Variants in FAM161B observed in about 807,000 individuals in gnomAD.
The protein encoded by FAM161B is protein FAM161B.
Under a neutral mutation model 61.5 loss-of-function variants are expected in FAM161B, and 46 were observed. The ratio of observed to expected loss-of-function variants is 0.75; its 90% CI spans 0.59 to 0.96. The LOEUF (loss-of-function observed/expected upper bound fraction) is 0.96. Among genes scored for constraint, FAM161B ranks in the 40% least tolerant of loss-of-function variants. The pLI, the probability that FAM161B is intolerant of heterozygous loss-of-function variation, is 0.00. For synonymous variants in FAM161B, 284 were observed against 302.7 expected (o/e 0.94, Z 0.64); for missense variants, 774 against 800.7 (o/e 0.97, Z 0.40).
In FAM161B at chr14:73,942,594, T is replaced by C; in HGVS notation, c.1047A>G (p.Arg349=). Residue 349 remains arginine (R), a synonymous_variant, in exon 4 of 9, where the codon CGA becomes CGG. Coordinates refer to ENST00000286544, the MANE Select transcript of FAM161B (RefSeq NM_152445.3). ...GAAACCCAAGCTTTTCCTGCTGGGT[T>C]CGGGTGGCTGTGCGGGGCTGTGGGT... ...RANPQPRTAT[R]TQQEKLGFLH... 1.2e-6 allele frequency: 2 copies of C among 1,614,174 alleles called. No homozygotes were observed. The highest frequency in any genetic ancestry group is 1.7e-6 in the Non-Finnish European group (2 of 1,180,022).
chr14:73,934,313 C>G lies in FAM161B; in HGVS notation c.1887G>C (p.Arg629Ser), dbSNP rs1022110704. The G allele has an allele frequency of 6.2e-7, 1 of 1,614,158 alleles. No homozygotes were observed. The highest frequency in any genetic ancestry group is 1.7e-5 in the Admixed American group (1 of 60,016). Residue 629 changes from arginine to serine, a missense_variant, in exon 9 of 9, where the codon AGG becomes AGC. Arg to Ser is a moderately radical substitution (Grantham distance 110). Coordinates refer to ENST00000286544, the MANE Select transcript of FAM161B (RefSeq NM_152445.3). ...GATGAGACAGCTCCTCCAGTACTTT[C>G]CTGGGGCTTGCAGGCTGTTCTAGAG... is the stretch of plus-strand genomic sequence containing the variant. ...EGSLEQPASP[R>S]KVLEELSHQS...
At chr14:73,949,909 G>A in intron 1 of FAM161B, 64 bp downstream of exon 1, 1 of 1,597,670 alleles carries the variant, frequency 6.3e-7, no homozygotes, top group East Asian at 2.2e-5. Context: ...TGTCTCCAAG[G>A]CAACGCCCAA....
At chr14:73,939,420 A>T (rs551906671) in intron 5 of FAM161B, among the ~76,000 whole-genome samples, 1 of 152,364 alleles carries the variant, frequency 6.6e-6, no homozygotes, top group East Asian at 1.9e-4. Context: ...ACCAAGTACC[A>T]TTACATTTCA....
At chr14:73,941,149 G>A (rs886155371) in intron 4 of FAM161B, 96 bp from the exon 5 acceptor site, 9 of 1,357,204 alleles carry the variant, frequency 6.6e-6, no homozygotes, top group Middle Eastern at 2.6e-4. Flanking sequence ...GTCTCGTCTC[G>A]CTCTTTTGCC....
chr14:73,931,426 T>C, downstream of FAM161B: 8 of 1,343,436 alleles, frequency 6.0e-6, no homozygotes, highest in Non-Finnish European at 8.4e-6. Flanking sequence ...CCTCCACTCT[T>C]AATACTTTTT....
rs182065627 is a variant in FAM161B, at chr14:73,935,951, G to A, written c.1803C>T (p.Pro601=). The A allele has an allele frequency of 1.1e-5, 18 of 1,607,438 alleles. No individual in the cohort carries two copies. The Admixed American group carries it at 1.8e-4, about 17-fold the overall frequency. ...ATGACAGCAACATTTCAGGTTACCT[G>A]GGAAAATCCTTGATTTTGGTCTCTT... ...QEKETKIKDF[P]RFQETTKLSI... Residue 601 remains proline, a splice_region_variant and synonymous_variant, in exon 8 of 9, where the codon CCC becomes CCT. Coordinates refer to ENST00000286544, the MANE Select transcript of FAM161B (RefSeq NM_152445.3).
chr14:73,924,022 T>G, the FAM161B span, among the ~76,000 whole-genome samples: 1 of 152,170 alleles, frequency 6.6e-6, no homozygotes, highest in Non-Finnish European at 1.5e-5. Context: ...ACAAAATCAT[T>G]AAACATAATT....
chr14:73,925,115 G>A, the FAM161B span, among the ~76,000 whole-genome samples: 42 of 150,214 alleles, frequency 2.8e-4, no homozygotes, highest in African/African-American at 9.7e-4. Context: ...GGGCATACAT[G>A]TTAATGCTTT....
At position 73,949,953 on chromosome 14, in the gene FAM161B, A is replaced by T; in HGVS notation, c.54+20T>A. 6.2e-7 allele frequency: 1 copy of T among 1,612,668 alleles called. No homozygotes were observed. The highest frequency in any genetic ancestry group is 8.5e-7 in the Non-Finnish European group (1 of 1,179,512). Reference sequence around the variant, plus strand: ...TCTCCGGGATTCCTTTCCCGGGGGCAGTCTCTTTTCTCTCCTCACCTGACG... The same window carrying T: ...TCTCCGGGATTCCTTTCCCGGGGGCTGTCTCTTTTCTCTCCTCACCTGACG... On this transcript the variant is annotated intron_variant, in intron 1 of 8. Coordinates refer to ENST00000286544, the MANE Select transcript of FAM161B (RefSeq NM_152445.3).
At chr14:73,927,849 A>T (rs11852038), downstream of FAM161B, 136 of 97,038 alleles carry the variant, frequency 1.4e-3, 2 homozygotes, top group Middle Eastern at 5.7e-3. Context: ...TTTTTTTTTT[A>T]ATTTTTTAGA....
chr14:73,944,783 G>C lies in FAM161B; in HGVS notation c.477C>G (p.His159Gln). ...ATGATGCCCAGGAGCTGACGCTTCT[G>C]TGCTGGGAGGGAGGCCGGGAGCCTG... Reference protein sequence around the residue: ...PPSGSRPPSQHRSVSSWASSI... With the variant: ...PPSGSRPPSQQRSVSSWASSI... The change falls in exon 3 of 9, where the codon CAC (histidine) becomes CAG (glutamine). Residue 159 changes from histidine (H) to glutamine (Q), a missense_variant. His to Gln is a conservative substitution (Grantham distance 24, BLOSUM62 0). Coordinates refer to ENST00000286544, the MANE Select transcript of FAM161B (RefSeq NM_152445.3). 1 of 1,587,468 alleles carries C rather than the reference G, an allele frequency of 6.3e-7. No homozygotes were observed. The highest frequency in any genetic ancestry group is 1.1e-5 in the South Asian group (1 of 87,374).
rs2055985592 is a variant in FAM161B at position 73,938,049 on chromosome 14, C to A, written c.1464G>T (p.Lys488Asn). The change falls in exon 6 of 9, where the codon AAG (lysine) becomes AAT (asparagine). Residue 488 changes from lysine (K) to asparagine (N), a missense_variant. Transcript: ENST00000286544. ...ESIQWLEIHK[K>N]KSQAMSKSVT... ...CAGATTTGGACATTGCTTGAGACTT[C>A]TTTTTGTGTATCTCCAGCCACTGAA... The A allele has an allele frequency of 6.2e-7, 1 of 1,614,004 alleles. No homozygotes were observed. Among genetic ancestry groups the A allele is most frequent in the South Asian group, 1.1e-5 (1 of 91,074 alleles).
At chr14:73,944,957 C>T (rs2056054326) in intron 2 of FAM161B, 72 bp from the exon 3 acceptor site, 1 of 1,284,300 alleles carries the variant, frequency 7.8e-7, no homozygotes. Flanking sequence ...GACCTCCTCC[C>T]CAGTCCTCCC....
intron 4 of FAM161B, 78 bp from the exon 5 acceptor site, chr14:73,941,131 G>A (rs75587405): frequency 3.2e-5 from 34 of 1,063,054 alleles, no homozygotes; most frequent in Admixed American, 3.5e-5. Context: ...TTTTTTTTTT[G>A]AGACAGAGTC....
rs754779063 is a variant in FAM161B at position 73,938,014 on chromosome 14, C to T, written c.1499G>A (p.Arg500His). Residue 500 changes from arginine to histidine, a missense_variant, in exon 6 of 9, where the codon CGT becomes CAT. Coordinates refer to ENST00000286544, the MANE Select transcript of FAM161B (RefSeq NM_152445.3). The stretch of plus-strand genomic sequence containing the variant: ...TTTATGGGGATCCATGGCTTTTGCA[C>T]GCAAGGTCACAGATTTGGACATTGC... Reference protein sequence around the residue: ...SQAMSKSVTLRAKAMDPHKSL... With the variant: ...SQAMSKSVTLHAKAMDPHKSL... The T allele has an allele frequency of 2.9e-5, 47 of 1,614,064 alleles. No individual in the cohort carries two copies. The highest frequency in any genetic ancestry group is 6.6e-5 in the South Asian group (6 of 91,084).
chr14:73,942,471 T>C lies in FAM161B; in HGVS notation c.1170A>G (p.Arg390=), dbSNP rs1437823129. 4 of 1,614,070 alleles carry C rather than the reference T, an allele frequency of 2.5e-6. No individual in the cohort carries two copies. The highest frequency in any genetic ancestry group is 3.4e-6 in the Non-Finnish European group (4 of 1,180,046). The stretch of plus-strand genomic sequence containing the variant: ...TGTTGCGAGTGGCCTCTTGGGTTTC[T>C]CTTCTTTTGGCTGCTCTTCTCTGGA... ...KAFQRRAAKR[R]ETQEATRNKP... is the part of the protein sequence containing the mutation. Residue 390 remains arginine, a synonymous_variant, in exon 4 of 9, where the codon AGA becomes AGG. Transcript: ENST00000286544.
Position 73,941,026 on chromosome 14 carries a change from G to C in FAM161B, c.1300C>G (p.Leu434Val). The C allele has an allele frequency of 6.2e-7, 1 of 1,613,526 alleles. No individual in the cohort carries two copies. Among genetic ancestry groups the C allele is most frequent in the Non-Finnish European group, 8.5e-7 (1 of 1,179,670 alleles). The change falls in exon 5 of 9, where the codon CTG (leucine) becomes GTG (valine). Residue 434 changes from leucine (L) to valine (V), a missense_variant. Leu to Val is a conservative substitution (Grantham distance 32). Transcript: ENST00000286544. ...CCGCTCAGAGAACGACTCCTTGGCA[G>C]GGGTGTAGCTGGTGGCTGTGGGGAA... ...QDSPQPPATP[L>V]PRSRSLSGLA...
chr14:73,946,246 A>T (rs746806730), intron 2 of FAM161B, 40 bp downstream of exon 2: 2 of 1,581,004 alleles, frequency 1.3e-6, no homozygotes, highest in East Asian at 4.5e-5. Context: ...ACCTGTGTGG[A>T]GGTGTGGAGT....
chr14:73,948,716 A>G (rs944778764), intron 1 of FAM161B, among the ~76,000 whole-genome samples: 9 of 152,194 alleles, frequency 5.9e-5, no homozygotes, highest in Admixed American at 2.6e-4. Context: ...TCGCCCTTAA[A>G]AGAAATGCCA....
Sources: allele counts gnomAD v4.1 joint callset (sites outside exome capture counted in the v4.1 genomes callset), GRCh38; gene constraint gnomAD v4.1.1; transcripts MANE v1.5; gene names NCBI Gene and HGNC (gene_info 2026-07-23, HGNC 2026-07-21).